The following CDH9 variants were observed in gnomAD, a reference collection of about 807,000 sequenced individuals.
The protein encoded by CDH9 is cadherin-9.
Under a neutral mutation model 70.9 loss-of-function variants are expected in CDH9, and 28 were observed. The ratio of observed to expected loss-of-function variants is 0.40; its 90% confidence interval spans 0.29 to 0.54. The LOEUF is 0.54. Ranked by LOEUF, CDH9 falls within the 20% of genes least tolerant of loss-of-function variation. CDH9 has a pLI of 0.59. For missense variants in CDH9, 874 were observed against 984.4 expected (o/e 0.89, Z 1.50); for synonymous variants, 409 against 343.1 (o/e 1.19, Z -2.12).
Position 27,011,727 on chromosome 5 carries a change from G to C in CDH9, c.-49-23345C>G, listed in dbSNP as rs147605665. Among the ~76,000 whole-genome samples, 148 of 152,122 alleles carry C rather than the reference G, an allele frequency of 9.7e-4. 2 individuals carry two copies. In the East Asian group the frequency reaches 0.027, roughly 27 times the overall value. ...TTTTCAGCTATGCTTTAGCAGCATT[G>C]AGTCCATATTACAAAGAACAGAGAG... is the stretch of plus-strand genomic sequence containing the variant. On this transcript the variant is annotated intron_variant, in intron 1 of 11. Coordinates refer to ENST00000231021, the MANE Select transcript of CDH9 (RefSeq NM_016279.4).
intron 2 of CDH9, among the ~76,000 whole-genome samples, chr5:26,974,790 C>A (rs1742276811): frequency 6.6e-6 from 1 of 151,344 alleles, no homozygotes; most frequent in Admixed American, 6.6e-5. Context: ...ATTAACATAT[C>A]CATCACCTCA....
At chr5:26,883,269 A>G (rs1392214048) in intron 11 of CDH9, among the ~76,000 whole-genome samples, 1 of 151,416 alleles carries the variant, frequency 6.6e-6, no homozygotes, top group Non-Finnish European at 1.5e-5. Flanking sequence ...TTCAATCAGT[A>G]AAATAACAAT....
At chr5:26,993,323 A>C (rs2112097107) in intron 1 of CDH9, among the ~76,000 whole-genome samples, 1 of 152,308 alleles carries the variant, frequency 6.6e-6, no homozygotes, top group Middle Eastern at 3.4e-3. Context: ...GCAGTGAAAT[A>C]GAATACATAG....
Position 26,903,754 on chromosome 5 carries a change from G to T in CDH9, c.882C>A (p.Asp294Glu). ...GTHLGRIKAN[D>E]PDVGENAEME... ...TTTCTGCATTTTCCCCCACGTCAGGGTCATTGGCTTTTATCCTTCCAAGAT... is the reference window on the plus strand; with the variant it reads ...TTTCTGCATTTTCCCCCACGTCAGGTTCATTGGCTTTTATCCTTCCAAGAT... Residue 294 changes from aspartate (D) to glutamate (E), a missense_variant, in exon 6 of 12, where the codon GAC (aspartate) becomes GAA (glutamate). Physicochemically the swap from Asp to Glu is conservative, Grantham distance 45. Transcript: ENST00000231021. 1 of 1,607,774 alleles carries T rather than the reference G, an allele frequency of 6.2e-7. No homozygotes were observed. The highest frequency in any genetic ancestry group is 1.1e-5 in the South Asian group (1 of 90,188).
At chr5:27,005,801 T>C (rs756200428) in intron 1 of CDH9, among the ~76,000 whole-genome samples, 1 of 151,880 alleles carries the variant, frequency 6.6e-6, no homozygotes, top group Non-Finnish European at 1.5e-5. Context: ...TAAAAAAAAA[T>C]TGTGGTACAT....
intron 2 of CDH9, among the ~76,000 whole-genome samples, chr5:26,933,827 AAAG>A (rs1741511929): frequency 1.3e-5 from 2 of 152,116 alleles, no homozygotes; most frequent in African/African-American, 2.4e-5. Flanking sequence ...AATAAGAAAA[AAAG>A]AGAGAAGACA....
chr5:26,889,147 T>A (rs190465386), intron 9 of CDH9, among the ~76,000 whole-genome samples: 26 of 152,270 alleles, frequency 1.7e-4, no homozygotes, highest in African/African-American at 5.8e-4. Flanking sequence ...CATCTACCTA[T>A]TTTATCTTTA....
intron 2 of CDH9, among the ~76,000 whole-genome samples, chr5:26,926,917 G>GT (rs1741349810): frequency 8.0e-6 from 1 of 125,280 alleles, no homozygotes; most frequent in Non-Finnish European, 1.7e-5. Flanking sequence ...CAAAAATACA[G>GT]CCCCCCCCCG....
chr5:26,952,634 CAAAAA>C (rs35876875), intron 2 of CDH9, among the ~76,000 whole-genome samples: 4 of 57,852 alleles, frequency 6.9e-5, no homozygotes, highest in African/African-American at 1.9e-4. Context: ...GACTCCGTCT[CAAAAA>C]AAAAAAAAAA....
chr5:26,962,629 G>A (rs963183055), intron 2 of CDH9, among the ~76,000 whole-genome samples: 6 of 152,064 alleles, frequency 3.9e-5, no homozygotes, highest in Non-Finnish European at 8.8e-5. Context: ...CTTTTGAGAA[G>A]CGTCTGTTGA....
At chr5:26,890,102 A>G (rs1740631116) in intron 8 of CDH9, 145 bp from the exon 9 acceptor site, 3 of 732,114 alleles carry the variant, frequency 4.1e-6, no homozygotes, top group Admixed American at 2.6e-5. Flanking sequence ...GCTCTCTTAC[A>G]TGGTCCAAAA....
At chr5:26,945,162 C>T (rs1300783676) in intron 2 of CDH9, among the ~76,000 whole-genome samples, 2 of 151,236 alleles carry the variant, frequency 1.3e-5, no homozygotes, top group Non-Finnish European at 2.9e-5. Context: ...CTCCAATTGT[C>T]CTCTTAAACC....
chr5:26,971,699 G>A (rs906931099), intron 2 of CDH9, among the ~76,000 whole-genome samples: 1 of 152,088 alleles, frequency 6.6e-6, no homozygotes, highest in Non-Finnish European at 1.5e-5. Flanking sequence ...AGCATGCTAA[G>A]GGGATAGGAA....
chr5:26,897,541 C>T (rs1187807345), intron 7 of CDH9, among the ~76,000 whole-genome samples: 1 of 152,084 alleles, frequency 6.6e-6, no homozygotes, highest in Non-Finnish European at 1.5e-5. Flanking sequence ...AGTAAGCCAT[C>T]ATATAAACAG....
chr5:26,917,900 T>C (rs1741175884), intron 2 of CDH9, among the ~76,000 whole-genome samples: 1 of 152,154 alleles, frequency 6.6e-6, no homozygotes, highest in Non-Finnish European at 1.5e-5. Flanking sequence ...AAACCTGAAG[T>C]CATAAAAACC....
chr5:26,924,713 C>T (rs1274490490), intron 2 of CDH9, among the ~76,000 whole-genome samples: 2 of 151,944 alleles, frequency 1.3e-5, no homozygotes. Context: ...GCCGCCCATC[C>T]TAAGACAGGC....
At chr5:26,883,040 C>CA (rs1740492888) in intron 11 of CDH9, among the ~76,000 whole-genome samples, 34 of 28,370 alleles carry the variant, frequency 1.2e-3, no homozygotes, top group African/African-American at 3.0e-3. Context: ...TCAGGATCAT[C>CA]TTATATATAT....
chr5:26,893,233 T>C (rs1740691523), intron 7 of CDH9, among the ~76,000 whole-genome samples: 2 of 152,204 alleles, frequency 1.3e-5, no homozygotes, highest in Non-Finnish European at 2.9e-5. Context: ...TTGCTTAATT[T>C]ATTTTCTGCT....
At chr5:26,994,474 C>T (rs1290223731) in intron 1 of CDH9, among the ~76,000 whole-genome samples, 3 of 151,770 alleles carry the variant, frequency 2.0e-5, no homozygotes, top group Non-Finnish European at 2.9e-5. Flanking sequence ...GAGATTTGTC[C>T]CTTTAAAAGG....
Sources: gnomAD v4.1 joint callset for allele counts (sites outside exome capture counted in the v4.1 genomes callset) on GRCh38, gnomAD v4.1.1 for gene constraint, MANE v1.5 for transcripts, NCBI Gene and HGNC (gene_info 2026-07-23, HGNC 2026-07-21) for gene names.